The following FRMD3 variants were observed in gnomAD, a reference collection of about 807,000 sequenced individuals.
FRMD3 encodes FERM domain-containing protein 3.
FRMD3 carries 33 observed loss-of-function variants against 70.2 expected under a neutral mutation model. The ratio of observed to expected loss-of-function variants is 0.47; its 90% CI spans 0.36 to 0.63. The LOEUF (loss-of-function observed/expected upper bound fraction) is 0.63, where lower values mean the gene tolerates loss of function less well. Ranked by LOEUF, FRMD3 falls within the 20% of genes least tolerant of loss-of-function variation. The pLI, the probability that FRMD3 is intolerant of heterozygous loss-of-function variation, is 0.00. For synonymous variants in FRMD3, 279 were observed against 255.9 expected, an observed-to-expected ratio of 1.09 and a Z score of -0.86; for missense variants, 632 against 711.4, an observed-to-expected ratio of 0.89 and a Z score of 1.27.
intron 1 of FRMD3, among the ~76,000 whole-genome samples, chr9:83,519,371 G>T (rs1029419352): frequency 3.9e-5 from 6 of 152,144 alleles, no homozygotes; most frequent in Non-Finnish European, 8.8e-5. Context: ...CATTTATGCG[G>T]CCGCCAAACA....
intron 13 of FRMD3, among the ~76,000 whole-genome samples, chr9:83,267,876 C>T (rs528598904): frequency 1.4e-4 from 21 of 152,304 alleles, no homozygotes; most frequent in African/African-American, 5.1e-4. Context: ...TATATGGTTG[C>T]TGTCATGGTA....
chr9:83,312,643 G>C (rs913260614), intron 7 of FRMD3, among the ~76,000 whole-genome samples: 28 of 152,346 alleles, frequency 1.8e-4, no homozygotes, highest in East Asian at 7.7e-4. Context: ...TGCGTAGGCA[G>C]AACAAGAGGA....
chr9:83,584,501 G>C, the FRMD3 span, among the ~76,000 whole-genome samples: 2 of 152,024 alleles, frequency 1.3e-5, no homozygotes, highest in Non-Finnish European at 2.9e-5. Flanking sequence ...TTTAGAGTGA[G>C]GAAGTCCAGC....
chr9:83,446,561 G>T (rs1434925647), intron 1 of FRMD3, among the ~76,000 whole-genome samples: 2 of 151,138 alleles, frequency 1.3e-5, no homozygotes, highest in African/African-American at 2.4e-5. Flanking sequence ...GCAGGAGAAT[G>T]GCGTGAAACG....
chr9:83,310,388 T>C, intron 9 of FRMD3, 97 bp downstream of exon 9: 2 of 955,422 alleles, frequency 2.1e-6, no homozygotes, highest in East Asian at 2.4e-5. Flanking sequence ...TTCAAAGTCA[T>C]GGTCTTTGGC....
chr9:83,507,732 A>ATATATC (rs1564109347), intron 1 of FRMD3, among the ~76,000 whole-genome samples: 1 of 92,954 alleles, frequency 1.1e-5, no homozygotes, highest in Non-Finnish European at 2.3e-5. Context: ...ATATATATAT[A>ATATATC]TATATATCTT....
chr9:83,494,730 C>A (rs557970476), intron 1 of FRMD3, among the ~76,000 whole-genome samples: 1 of 151,910 alleles, frequency 6.6e-6, no homozygotes, highest in African/African-American at 2.4e-5. Flanking sequence ...ATAGTGAGAC[C>A]CCTGTCTCAA....
At chr9:83,456,581 T>TGTTCATCA (rs1827823710) in intron 1 of FRMD3, among the ~76,000 whole-genome samples, 1 of 152,252 alleles carries the variant, frequency 6.6e-6, no homozygotes, top group Non-Finnish European at 1.5e-5. Flanking sequence ...CCATGTATTA[T>TGTTCATCA]GTTCATCAAA....
At chr9:83,560,388 C>T in the FRMD3 span, among the ~76,000 whole-genome samples, 1 of 152,216 alleles carries the variant, frequency 6.6e-6, no homozygotes, top group African/African-American at 2.4e-5. Flanking sequence ...CCCAAAGAGA[C>T]ACTGCCCTTT....
intron 1 of FRMD3, among the ~76,000 whole-genome samples, chr9:83,419,272 C>A (rs1162396023): frequency 1.3e-5 from 2 of 152,094 alleles, no homozygotes; most frequent in East Asian, 3.8e-4. Context: ...ACTTGTACCC[C>A]AAAAACTATT....
chr9:83,355,750 G>A lies in FRMD3; in HGVS notation c.296-5993C>T, dbSNP rs569386137. On this transcript the variant is annotated intron_variant, in intron 3 of 13. Coordinates refer to ENST00000304195, the MANE Select transcript of FRMD3 (RefSeq NM_174938.6). ...AATGGGAGGTGGAAATAGGAGGGAG[G>A]GAATGGGGAAGACTGAATTGAATTC... Among the ~76,000 whole-genome samples, 14 of 152,260 alleles carry A rather than the reference G, an allele frequency of 9.2e-5. No homozygotes were observed. In the South Asian group the frequency reaches 2.9e-3, roughly 32 times the overall value.
chr9:83,258,316 C>T (rs1832819858), intron 13 of FRMD3, among the ~76,000 whole-genome samples: 1 of 152,242 alleles, frequency 6.6e-6, no homozygotes, highest in Admixed American at 6.5e-5. Flanking sequence ...GAAGGAGCAG[C>T]ACTCACATTC....
chr9:83,462,513 C>G (rs111512533), intron 1 of FRMD3, among the ~76,000 whole-genome samples: 2 of 152,160 alleles, frequency 1.3e-5, no homozygotes, highest in Non-Finnish European at 2.9e-5. Context: ...GATCCATCCT[C>G]AGTGGAATTA....
At chr9:83,257,126 G>A (rs148950602) in intron 13 of FRMD3, among the ~76,000 whole-genome samples, 1 of 152,256 alleles carries the variant, frequency 6.6e-6, no homozygotes, top group East Asian at 1.9e-4. Flanking sequence ...CAAACTAAAT[G>A]CCCATCCCTG....
intron 1 of FRMD3, among the ~76,000 whole-genome samples, chr9:83,511,767 A>G (rs915730686): frequency 6.6e-6 from 1 of 152,202 alleles, no homozygotes; most frequent in Non-Finnish European, 1.5e-5. Context: ...TCAAAATACC[A>G]GGGACGCATG....
At chr9:83,507,689 TAC>T (rs200941011) in intron 1 of FRMD3, among the ~76,000 whole-genome samples, 4,060 of 29,682 alleles carry the variant, frequency 0.14, 777 homozygotes, top group African/African-American at 0.2. Flanking sequence ...AAAATATACA[TAC>T]ATATATATAT....
chr9:83,417,057 G>A (rs866500132), intron 1 of FRMD3, among the ~76,000 whole-genome samples: 5 of 152,084 alleles, frequency 3.3e-5, no homozygotes, highest in African/African-American at 7.2e-5. Context: ...GAGTCCTGCC[G>A]TAGACCTTAA....
At chr9:83,309,673 C>T (rs778326259) in intron 9 of FRMD3, 49 bp from the exon 10 acceptor site, 3 of 1,178,910 alleles carry the variant, frequency 2.5e-6, no homozygotes, top group South Asian at 1.4e-5. Context: ...ATACCATTTA[C>T]ATTTTCCATG....
At chr9:83,395,783 A>C (rs1825795351) in intron 1 of FRMD3, among the ~76,000 whole-genome samples, 2 of 152,162 alleles carry the variant, frequency 1.3e-5, no homozygotes, top group South Asian at 4.2e-4. Flanking sequence ...AAAAAAAAAA[A>C]AGTCTGGCAG....
Sources: gnomAD v4.1 joint callset for allele counts (sites outside exome capture counted in the v4.1 genomes callset) on GRCh38, gnomAD v4.1.1 for gene constraint, MANE v1.5 for transcripts, NCBI Gene and HGNC (gene_info 2026-07-23, HGNC 2026-07-21) for gene names.